EIF2S2: variants seen among roughly 807,000 people sequenced by gnomAD.
EIF2S2 encodes the protein eukaryotic translation initiation factor 2 subunit 2.
EIF2S2 carries 4 observed loss-of-function variants against 44.0 expected under a neutral mutation model. That is an observed-to-expected ratio of 0.09 (90% CI 0.04 to 0.21). EIF2S2 has a LOEUF of 0.21. Among genes scored for constraint, EIF2S2 ranks in the 10% least tolerant of loss-of-function variants. The probability of loss-of-function intolerance (pLI) is 1.00; values close to 1 mark genes in which losing one functional copy is unlikely to be tolerated. For synonymous variants in EIF2S2, 108 were observed against 128.3 expected, an observed-to-expected ratio of 0.84 and a Z score of 1.07; for missense variants, 154 against 392.0, an observed-to-expected ratio of 0.39 and a Z score of 5.13.
intron 7 of EIF2S2, among the ~76,000 whole-genome samples, chr20:34,091,068 TTAAA>T (rs767661600): frequency 6.6e-6 from 1 of 152,160 alleles, no homozygotes; most frequent in South Asian, 2.1e-4. Flanking sequence ...TTATTTTTAA[TTAAA>T]TAGTTTGCGT....
intron 5 of EIF2S2, 44 bp downstream of exon 5, chr20:34,097,372 C>A (rs1323265953): frequency 1.9e-5 from 29 of 1,490,850 alleles, no homozygotes; most frequent in Non-Finnish European, 2.4e-5. Flanking sequence ...TCTTTGAGCA[C>A]TAGTGAATAG....
intron 1 of EIF2S2, among the ~76,000 whole-genome samples, chr20:34,110,155 A>C (rs1460885788): frequency 1.3e-5 from 2 of 151,872 alleles, no homozygotes; most frequent in Admixed American, 6.6e-5. Flanking sequence ...TTTTAATAGC[A>C]GCCTCTTTAA....
chr20:34,092,709 A>G (rs968405738), intron 7 of EIF2S2, among the ~76,000 whole-genome samples: 2 of 152,148 alleles, frequency 1.3e-5, no homozygotes, highest in Non-Finnish European at 2.9e-5. Context: ...TTCTTCTACA[A>G]CAGAGCCTAC....
intron 2 of EIF2S2, among the ~76,000 whole-genome samples, chr20:34,103,898 A>C (rs1318712726): frequency 1.3e-5 from 2 of 152,110 alleles, no homozygotes; most frequent in East Asian, 3.9e-4. Flanking sequence ...TTAAGTAGAG[A>C]CAGGGTTTCA....
intron 1 of EIF2S2, among the ~76,000 whole-genome samples, chr20:34,109,646 G>A (rs1443922653): frequency 6.6e-6 from 1 of 151,970 alleles, no homozygotes; most frequent in Admixed American, 6.6e-5. Flanking sequence ...GGAAACAAGA[G>A]CGAGACCCTG....
At chr20:34,095,308 C>T (rs75048555) in intron 6 of EIF2S2, among the ~76,000 whole-genome samples, 13,287 of 127,392 alleles carry the variant, frequency 0.1, 2,019 homozygotes, top group African/African-American at 0.35. Flanking sequence ...AGTTAGCTAC[C>T]TCTTTTTTTT....
chr20:34,098,577 G>A lies in EIF2S2; in HGVS notation c.354C>T (p.Asp118=). ...TCTTCTTTTTATTGCCAAGCATAATGTCAAGGTCATCCTCTGGTTCAGTTG... is the reference window on the plus strand; with the variant it reads ...TCTTCTTTTTATTGCCAAGCATAATATCAAGGTCATCCTCTGGTTCAGTTG... ...QEPTEPEDDL[D]IMLGNKKKKK... is the part of the protein sequence containing the mutation. The change falls in exon 4 of 9, where the codon GAC becomes GAT. Residue 118 remains aspartate, a synonymous_variant. Coordinates refer to ENST00000374980, the MANE Select transcript of EIF2S2 (RefSeq NM_003908.5). 2 of 1,613,894 alleles carry A rather than the reference G, an allele frequency of 1.2e-6. No homozygotes were observed. Among genetic ancestry groups the A allele is most frequent in the Non-Finnish European group, 8.5e-7 (1 of 1,179,982 alleles).
At chr20:34,090,447 C>T in intron 8 of EIF2S2, 70 bp downstream of exon 8, 1 of 947,658 alleles carries the variant, frequency 1.1e-6, no homozygotes, top group Non-Finnish European at 1.5e-6. Context: ...AATCAAATGG[C>T]TCTTCCTCTA....
chr20:34,100,482 T>C (rs1403367937), intron 3 of EIF2S2, among the ~76,000 whole-genome samples: 1 of 152,098 alleles, frequency 6.6e-6, no homozygotes, highest in African/African-American at 2.4e-5. Context: ...AGATAAGGGA[T>C]CCCTTACTCA....
At position 34,097,426 on chromosome 20, in the gene EIF2S2, G is replaced by A. The variant is rs1389762451; in HGVS notation, c.524C>T (p.Thr175Ile). The A allele has an allele frequency of 6.2e-7, 1 of 1,613,018 alleles. No individual in the cohort carries two copies. The highest frequency in any genetic ancestry group is 8.5e-7 in the Non-Finnish European group (1 of 1,179,572). The part of the protein sequence containing the change: ...PAWAGSERDY[T>I]YEELLNRVFN... Reference sequence around the variant, plus strand: ...CAGATTTTGTCTTACCTCCTCGTATGTGTAGTCTCTTTCTGAGCCTGCCCA... The same window carrying A: ...CAGATTTTGTCTTACCTCCTCGTATATGTAGTCTCTTTCTGAGCCTGCCCA... The change falls in exon 5 of 9, where the codon ACA (threonine) becomes ATA (isoleucine). Residue 175 changes from threonine to isoleucine, a missense_variant. Thr to Ile is a moderately conservative substitution (Grantham distance 89, BLOSUM62 -1). Transcript: ENST00000374980.
Position 34,105,414 on chromosome 20 carries a change from A to C in EIF2S2, c.147T>G (p.Thr49=). The C allele has an allele frequency of 6.2e-7, 1 of 1,613,978 alleles. No homozygotes were observed. Among genetic ancestry groups the C allele is most frequent in the East Asian group, 2.2e-5 (1 of 44,876 alleles). The change falls in exon 2 of 9, where the codon ACT becomes ACG. Residue 49 remains threonine, a synonymous_variant. Coordinates refer to ENST00000374980, the MANE Select transcript of EIF2S2 (RefSeq NM_003908.5). The stretch of plus-strand genomic sequence containing the variant: ...CATCAGCTTCCAAATCCTTGTCCTC[A>C]GTTGGCTCTGGCTCCACTTCTTTTG... ...SETKEVEPEP[T]EDKDLEADEE... is the part of the protein sequence containing the mutation.
chr20:34,090,810 G>A (rs1429315343), intron 7 of EIF2S2, among the ~76,000 whole-genome samples: 3 of 152,086 alleles, frequency 2.0e-5, no homozygotes, highest in Admixed American at 6.5e-5. Flanking sequence ...GTGCAGTGGC[G>A]TGATCATGGC....
chr20:34,093,590 C>T, intron 7 of EIF2S2, 85 bp downstream of exon 7: 1 of 1,206,396 alleles, frequency 8.3e-7, no homozygotes, highest in South Asian at 1.5e-5. Context: ...TGAACATTTT[C>T]TCTAAGTGTG....
At chr20:34,099,920 T>G (rs2034276244) in intron 3 of EIF2S2, among the ~76,000 whole-genome samples, 1 of 152,216 alleles carries the variant, frequency 6.6e-6, no homozygotes, top group Non-Finnish European at 1.5e-5. Context: ...ATCACCCTCC[T>G]AGCACCTTGC....
intron 1 of EIF2S2, 102 bp from the exon 2 acceptor site, chr20:34,105,647 T>G: frequency 8.9e-7 from 1 of 1,128,278 alleles, no homozygotes; most frequent in South Asian, 1.8e-5. Flanking sequence ...CTTAAAAGAG[T>G]ATGTGATACA....
rs1226760547 is a variant in EIF2S2 at position 34,105,543 on chromosome 20, C to T, written c.18G>A (p.Met6Ile). The change falls in exon 2 of 9, where the codon ATG (methionine) becomes ATA (isoleucine). Residue 6 changes from methionine (M) to isoleucine (I), a missense_variant and splice_region_variant. By Grantham distance (10) the Met-to-Ile change is conservative. Around this residue, in one of 2 missense-constraint regions of EIF2S2, gnomAD observed 134 missense variants for 225.0 expected, o/e 0.60. Coordinates refer to ENST00000374980, the MANE Select transcript of EIF2S2 (RefSeq NM_003908.5). ...TCTTGCTCATAGTAGGATCAAAAAT[C>T]ATCTGTTTAAAAGACAAAAAACAAA... MSGDE[M>I]IFDPTMSKKK... 6.4e-7 allele frequency: 1 copy of T among 1,566,564 alleles called. No individual in the cohort carries two copies. The highest frequency in any genetic ancestry group is 1.2e-5 in the South Asian group (1 of 83,902).
intron 1 of EIF2S2, among the ~76,000 whole-genome samples, chr20:34,106,023 G>C (rs2034345733): frequency 6.6e-6 from 1 of 151,826 alleles, no homozygotes; most frequent in South Asian, 2.1e-4. Flanking sequence ...CTGGACTCAA[G>C]TGATCCTACC....
In EIF2S2 at chr20:34,089,597, TCAGAC is replaced by T; in HGVS notation, c.*128_*132del. 1.0e-6 allele frequency: 1 copy of T among 964,102 alleles called. No individual in the cohort carries two copies. Among genetic ancestry groups the T allele is most frequent in the African/African-American group, 1.7e-5 (1 of 60,536 alleles). The allele number at this position is 964,102 out of a possible 1,614,324, so 59.7% of individuals were successfully genotyped here. A position where few individuals can be genotyped will look rare whatever the true frequency, so the allele number is the denominator to read the frequency against. ...TGAGCATCAGCGTCTTGCAAGGACT[TCAGAC>T]CAACCACTCGCCAAAAATCTTGGCA... On this transcript the variant is annotated 3_prime_UTR_variant, in exon 9 of 9. Coordinates refer to ENST00000374980, the MANE Select transcript of EIF2S2 (RefSeq NM_003908.5).
chr20:34,090,605 A>G lies in EIF2S2; in HGVS notation c.741-3T>C. 3.3e-6 allele frequency: 5 copies of G among 1,503,596 alleles called. No individual in the cohort carries two copies. Among genetic ancestry groups the G allele is most frequent in the Non-Finnish European group, 4.5e-6 (5 of 1,118,228 alleles). The allele number at this position is 1,503,596 out of a possible 1,614,324, so 93.1% of individuals were successfully genotyped here. A position where few individuals can be genotyped will look rare whatever the true frequency, so the allele number is the denominator to read the frequency against. On this transcript the variant is annotated splice_region_variant and splice_polypyrimidine_tract_variant and intron_variant, in intron 7 of 8. Coordinates refer to ENST00000374980, the MANE Select transcript of EIF2S2 (RefSeq NM_003908.5). ...GGTTATTACCATCTATAGAACCACT[A>G]TGAAAGAAAACAAAAATATCTCCAT...
Sources: gnomAD v4.1 joint callset for allele counts (sites outside exome capture counted in the v4.1 genomes callset) on GRCh38, gnomAD v4.1.1 for gene constraint, gnomAD v4.1.1 regional missense constraint, MANE v1.5 for transcripts, NCBI Gene and HGNC (gene_info 2026-07-23, HGNC 2026-07-21) for gene names.